Variants in CSMD1 observed in about 807,000 individuals in gnomAD.
CSMD1 encodes CUB and sushi domain-containing protein 1.
A neutral mutation model predicts 417.5 loss-of-function variants in CSMD1; 213 were observed. The ratio of observed to expected loss-of-function variants is 0.51; its 90% CI spans 0.46 to 0.57. The LOEUF (loss-of-function observed/expected upper bound fraction) is 0.57. Among genes scored for constraint, CSMD1 ranks in the 20% least tolerant of loss-of-function variants. The pLI is 0.00. For synonymous variants in CSMD1, 2,862 were observed against 1,736.8 expected, an observed-to-expected ratio of 1.65 and a Z score of -16.11; for missense variants, 6,923 against 4,529.7, an observed-to-expected ratio of 1.53 and a Z score of -15.17.
intron 5 of CSMD1, among the ~76,000 whole-genome samples, chr8:3,974,978 C>G (rs1052619269): frequency 1.2e-4 from 19 of 152,102 alleles, no homozygotes; most frequent in Non-Finnish European, 2.5e-4. Flanking sequence ...AGGATTTTCC[C>G]TATGTGGAAT....
chr8:4,248,425 G>A (rs1000635295), intron 3 of CSMD1, among the ~76,000 whole-genome samples: 13 of 152,082 alleles, frequency 8.5e-5, no homozygotes, highest in African/African-American at 2.7e-4. Context: ...AAGAGAGCCC[G>A]TCCACTTGAA....
intron 3 of CSMD1, among the ~76,000 whole-genome samples, chr8:4,153,628 C>A (rs1796682055): frequency 1.3e-5 from 2 of 152,218 alleles, no homozygotes; most frequent in African/African-American, 4.8e-5. Flanking sequence ...CCTCTCTTCA[C>A]CTTGCAAGGC....
intron 23 of CSMD1, among the ~76,000 whole-genome samples, chr8:3,336,201 G>T (rs1199066710): frequency 1.3e-5 from 2 of 152,090 alleles, no homozygotes; most frequent in East Asian, 3.9e-4. Flanking sequence ...TATTAAGTTA[G>T]ATCATAGCAA....
intron 5 of CSMD1, among the ~76,000 whole-genome samples, chr8:3,781,246 C>T (rs1286999852): frequency 6.6e-6 from 1 of 152,134 alleles, no homozygotes; most frequent in African/African-American, 2.4e-5. Flanking sequence ...TTTTGTGAAT[C>T]AGAATGTGCA....
chr8:4,817,248 A>G (rs1312298096), intron 1 of CSMD1, among the ~76,000 whole-genome samples: 2 of 152,246 alleles, frequency 1.3e-5, no homozygotes, highest in African/African-American at 2.4e-5. Context: ...GTGAAAAAAT[A>G]TGAAGATTTT....
intron 4 of CSMD1, among the ~76,000 whole-genome samples, chr8:4,017,192 C>A (rs1394521685): frequency 1.3e-5 from 2 of 152,254 alleles, no homozygotes; most frequent in East Asian, 3.9e-4. Flanking sequence ...TTCTAGATAT[C>A]TTTTTTTAAA....
intron 1 of CSMD1, among the ~76,000 whole-genome samples, chr8:4,952,059 T>A (rs964034449): frequency 8.6e-5 from 13 of 151,582 alleles, no homozygotes; most frequent in Non-Finnish European, 1.9e-4. Flanking sequence ...ATTTTACACG[T>A]AATTGTAAGC....
intron 18 of CSMD1, among the ~76,000 whole-genome samples, chr8:3,382,324 A>T (rs538439973): frequency 2.3e-4 from 34 of 146,608 alleles, no homozygotes; most frequent in African/African-American, 7.9e-4. Flanking sequence ...AGGGTTATTT[A>T]TATATATATA....
At chr8:4,474,360 G>C (rs1399249614) in intron 2 of CSMD1, among the ~76,000 whole-genome samples, 1 of 152,174 alleles carries the variant, frequency 6.6e-6, no homozygotes, top group Non-Finnish European at 1.5e-5. Context: ...TGCTGGTGTT[G>C]TCTAACTTGA....
chr8:3,297,376 T>C (rs1228834613), intron 25 of CSMD1, among the ~76,000 whole-genome samples: 6 of 152,158 alleles, frequency 3.9e-5, no homozygotes, highest in African/African-American at 7.2e-5. Context: ...CAGTGATCTA[T>C]ATGAAGAAGA....
chr8:4,587,179 G>A (rs1446433281), intron 2 of CSMD1, among the ~76,000 whole-genome samples: 1 of 152,100 alleles, frequency 6.6e-6, no homozygotes, highest in South Asian at 2.1e-4. Flanking sequence ...AGCTTTTATG[G>A]CTTACTTGAA....
chr8:3,801,375 G>A (rs1800450798), intron 5 of CSMD1, among the ~76,000 whole-genome samples: 1 of 152,064 alleles, frequency 6.6e-6, no homozygotes, highest in Non-Finnish European at 1.5e-5. Flanking sequence ...AAGATCATTA[G>A]TCATTTAAGA....
intron 3 of CSMD1, among the ~76,000 whole-genome samples, chr8:4,284,216 A>C (rs536969688): frequency 3.9e-5 from 6 of 152,194 alleles, no homozygotes; most frequent in Non-Finnish European, 8.8e-5. Flanking sequence ...AAAAATACAA[A>C]AATTAGCTGG....
intron 7 of CSMD1, among the ~76,000 whole-genome samples, chr8:3,642,734 C>G (rs563793045): frequency 6.6e-6 from 1 of 152,018 alleles, no homozygotes; most frequent in South Asian, 2.1e-4. Context: ...AAAAGAAAGA[C>G]TAGAAAACAC....
chr8:4,561,141 G>A (rs1798312660), intron 2 of CSMD1, among the ~76,000 whole-genome samples: 1 of 152,168 alleles, frequency 6.6e-6, no homozygotes, highest in African/African-American at 2.4e-5. Context: ...AGAGGCCAAG[G>A]CAGGTGGATC....
chr8:4,064,951 A>G (rs1443452297), intron 3 of CSMD1, among the ~76,000 whole-genome samples: 3 of 152,098 alleles, frequency 2.0e-5, no homozygotes, highest in Non-Finnish European at 4.4e-5. Flanking sequence ...CCTTACCTCT[A>G]GATTTAACGC....
Position 4,393,121 on chromosome 8 carries a change from G to A in CSMD1, c.415+26832C>T, listed in dbSNP as rs149960429. 3.1e-3 allele frequency among the ~76,000 whole-genome samples: 474 copies of A among 152,090 alleles called. 1 individual carries two copies. Among genetic ancestry groups the A allele is most frequent in the African/African-American group, 0.011 (445 of 41,528 alleles). The stretch of plus-strand genomic sequence containing the variant: ...CTCCCGAGTAGCTGGGATTACAGGC[G>A]TGTGCCACCACGCCCGACTAATTTT... On this transcript the variant is annotated intron_variant, in intron 3 of 69. Transcript: ENST00000635120.
At chr8:3,228,835 C>T (rs1371003164) in intron 27 of CSMD1, among the ~76,000 whole-genome samples, 2 of 151,548 alleles carry the variant, frequency 1.3e-5, no homozygotes, top group Admixed American at 1.3e-4. Context: ...TTAAAATGAT[C>T]GCCACATTGA....
intron 7 of CSMD1, among the ~76,000 whole-genome samples, chr8:3,665,170 A>G (rs1313437637): frequency 6.6e-6 from 1 of 152,350 alleles, no homozygotes; most frequent in South Asian, 2.1e-4. Context: ...AGATAAAATT[A>G]CTGGAACAAT....
Sources: gnomAD v4.1 joint callset for allele counts (sites outside exome capture counted in the v4.1 genomes callset) on GRCh38, gnomAD v4.1.1 for gene constraint, MANE v1.5 for transcripts, NCBI Gene and HGNC (gene_info 2026-07-23, HGNC 2026-07-21) for gene names.